Variants in GPALPP1 observed in about 807,000 individuals in gnomAD.
GPALPP1 encodes GPALPP motifs containing 1, also known as GPALPP motifs-containing protein 1.
Under a neutral mutation model 38.9 loss-of-function variants are expected in GPALPP1, and 30 were observed. The ratio of observed to expected loss-of-function variants is 0.77; its 90% CI spans 0.58 to 1.05. The LOEUF (loss-of-function observed/expected upper bound fraction) is 1.05, where lower values mean the gene tolerates loss of function less well. GPALPP1 is among the 50% of genes least tolerant of loss of function. GPALPP1 has a pLI of 0.00. For missense variants in GPALPP1, 384 were observed against 408.8 expected, an observed-to-expected ratio of 0.94 and a Z score of 0.52; for synonymous variants, 120 against 139.2, an observed-to-expected ratio of 0.86 and a Z score of 0.97.
chr13:45,013,553 CT>C (rs1329788172), intron 4 of GPALPP1, among the ~76,000 whole-genome samples: 1 of 152,022 alleles, frequency 6.6e-6, no homozygotes, highest in Non-Finnish European at 1.5e-5. Flanking sequence ...ATAGTTACTA[CT>C]TTTTTTTAGT....
At chr13:45,018,636 T>C (rs924882083) in intron 6 of GPALPP1, among the ~76,000 whole-genome samples, 6 of 151,980 alleles carry the variant, frequency 3.9e-5, no homozygotes, top group African/African-American at 1.2e-4. Context: ...TAACTTACTT[T>C]ATTAAATACA....
rs1876092852 is a variant in GPALPP1, at chr13:45,029,684, A to C, written c.*1681A>C. ...GAAATTTGTTGTTTTTTCCCTTTAA[A>C]CTGCAGCCAGTGAATACAAATTTAC... On this transcript the variant is annotated 3_prime_UTR_variant, in exon 8 of 8. Coordinates refer to ENST00000379151, the MANE Select transcript of GPALPP1 (RefSeq NM_018559.5). The C allele has an allele frequency of 6.6e-6, 1 of 151,992 alleles. No homozygotes were observed. The highest frequency in any genetic ancestry group is 1.5e-5 in the Non-Finnish European group (1 of 68,004). The allele number at this position is 151,992 out of a possible 1,614,324, so 9.4% of individuals were successfully genotyped here. A position where few individuals can be genotyped will look rare whatever the true frequency, so the allele number is the denominator to read the frequency against.
At position 45,020,422 on chromosome 13, in the gene GPALPP1, A is replaced by C; in HGVS notation, c.798A>C (p.Ser266=). ...AGAGACTGGCTGAGCAGGTATCTTC[A>C]TACAATGTAAGTAAGAAAATAAGAT... is the stretch of plus-strand genomic sequence containing the variant. The part of the protein sequence containing the change: ...RDKRLAEQVS[S]YNESKRSESL... The change falls in exon 7 of 8, where the codon TCA becomes TCC. Residue 266 remains serine, a synonymous_variant. Coordinates refer to ENST00000379151, the MANE Select transcript of GPALPP1 (RefSeq NM_018559.5). 1 of 1,277,572 alleles carries C rather than the reference A, an allele frequency of 7.8e-7. No individual in the cohort carries two copies. The allele number at this position is 1,277,572 out of a possible 1,614,324, so 79.1% of individuals were successfully genotyped here.
chr13:45,008,042 G>A (rs1271278051), intron 3 of GPALPP1, among the ~76,000 whole-genome samples: 1 of 152,140 alleles, frequency 6.6e-6, no homozygotes, highest in African/African-American at 2.4e-5. Context: ...AAGTAGACCA[G>A]GGTTTAAACT....
chr13:45,004,448 TAATTA>T lies in GPALPP1; in HGVS notation c.221+20_221+24del, dbSNP rs771441892. ...TGGTCCAACTGCAAGGTCAGTCATT[TAATTA>T]AATTAAATGATAGACCAAACTTCAG... On this transcript the variant is annotated intron_variant, in intron 2 of 7. Transcript: ENST00000379151. The T allele has an allele frequency of 2.5e-6, 4 of 1,599,376 alleles. No homozygotes were observed. Among genetic ancestry groups the T allele is most frequent in the East Asian group, 2.2e-5 (1 of 44,752 alleles).
At chr13:45,009,103 T>A (rs1874302685) in intron 4 of GPALPP1, 2 of 623,408 alleles carry the variant, frequency 3.2e-6, no homozygotes, top group East Asian at 6.3e-5. Flanking sequence ...ATAACAGGAT[T>A]GACGGGGTGT....
At chr13:45,023,971 C>T (rs1029727926) in intron 7 of GPALPP1, among the ~76,000 whole-genome samples, 1 of 152,198 alleles carries the variant, frequency 6.6e-6, no homozygotes, top group Non-Finnish European at 1.5e-5. Flanking sequence ...GGTTCCACAT[C>T]CCGTGGATCA....
At chr13:45,019,116 TA>T (rs1383547517) in intron 6 of GPALPP1, among the ~76,000 whole-genome samples, 2 of 139,774 alleles carry the variant, frequency 1.4e-5, no homozygotes, top group African/African-American at 5.2e-5. Flanking sequence ...TATTTATATG[TA>T]TATATATTTC....
chr13:45,003,854 G>C (rs1873865724), intron 1 of GPALPP1, among the ~76,000 whole-genome samples: 1 of 151,520 alleles, frequency 6.6e-6, no homozygotes. Flanking sequence ...CAAGAAATAT[G>C]GGGATGCCAG....
chr13:45,028,354 A>C lies in GPALPP1; in HGVS notation c.*351A>C, dbSNP rs1875990554. ...CTTGCTGGTTGTTTGTATGTTAAACAAAATCCCAACTAGGAAATGTTTGTT... is the reference window on the plus strand; with the variant it reads ...CTTGCTGGTTGTTTGTATGTTAAACCAAATCCCAACTAGGAAATGTTTGTT... On this transcript the variant is annotated 3_prime_UTR_variant, in exon 8 of 8. Transcript: ENST00000379151. 6.3e-6 allele frequency: 1 copy of C among 159,276 alleles called. No individual in the cohort carries two copies. The highest frequency in any genetic ancestry group is 1.4e-5 in the Non-Finnish European group (1 of 73,532). 9.9% of individuals were successfully genotyped at this position (159,276 alleles called of 1,614,324 possible).
exon 8 of GPALPP1, chr13:45,037,184 C>A (rs541825946): frequency 5.1e-4 from 77 of 152,288 alleles, no homozygotes; most frequent in African/African-American, 1.8e-3. Context: ...GTTGGCCAAA[C>A]AGGCTATATG....
downstream of GPALPP1, chr13:45,034,727 TTTTTTTTTTTTTTTA>T (rs1310444007): frequency 8.2e-6 from 1 of 122,612 alleles, no homozygotes; most frequent in Non-Finnish European, 1.7e-5. Flanking sequence ...TTTTTATTTC[TTTTTTTTTTTTTTTA>T]TTTTTTTTTT....
intron 1 of GPALPP1, among the ~76,000 whole-genome samples, chr13:45,000,756 A>G (rs540750331): frequency 1.3e-5 from 2 of 152,210 alleles, no homozygotes; most frequent in Non-Finnish European, 2.9e-5. Flanking sequence ...TCTCTAAATT[A>G]TAAATAAATT....
At chr13:45,020,779 C>T (rs1370016123) in intron 7 of GPALPP1, among the ~76,000 whole-genome samples, 5 of 151,858 alleles carry the variant, frequency 3.3e-5, no homozygotes, top group Non-Finnish European at 5.9e-5. Context: ...ACTTTTTATA[C>T]ATCTATCCTG....
intron 1 of GPALPP1, among the ~76,000 whole-genome samples, chr13:44,995,169 A>AACACACACACACACACAC (rs371911111): frequency 0.01 from 1,337 of 128,526 alleles, 28 homozygotes; most frequent in African/African-American, 0.017. Context: ...CCTATCTTTA[A>AACACACACACACACACAC]ACACACACAC....
At chr13:45,012,667 C>G (rs552744203) in intron 4 of GPALPP1, among the ~76,000 whole-genome samples, 11 of 152,138 alleles carry the variant, frequency 7.2e-5, no homozygotes, top group South Asian at 4.2e-4. Flanking sequence ...TGGTAGAAGG[C>G]GAGGGTCAGG....
intron 2 of GPALPP1, 112 bp downstream of exon 2, chr13:45,004,549 A>G (rs764178650): frequency 1.5e-6 from 1 of 651,522 alleles, no homozygotes; most frequent in Non-Finnish European, 2.6e-6. Flanking sequence ...CAGCACAGGG[A>G]GAAATCATTT....
At chr13:44,999,917 A>G (rs1873550558) in intron 1 of GPALPP1, among the ~76,000 whole-genome samples, 1 of 152,112 alleles carries the variant, frequency 6.6e-6, no homozygotes, top group Non-Finnish European at 1.5e-5. Flanking sequence ...GTATTCTATC[A>G]TTTCATGATG....
chr13:45,016,256 C>T (rs1315412480), intron 6 of GPALPP1, among the ~76,000 whole-genome samples: 1 of 152,082 alleles, frequency 6.6e-6, no homozygotes, highest in Non-Finnish European at 1.5e-5. Context: ...GAGTTCGAGA[C>T]CAGCCTGGCC....
Sources: allele counts gnomAD v4.1 joint callset (sites outside exome capture counted in the v4.1 genomes callset), GRCh38; gene constraint gnomAD v4.1.1; transcripts MANE v1.5; gene names NCBI Gene and HGNC (gene_info 2026-07-23, HGNC 2026-07-21).